The following TESC variants were observed in gnomAD, a reference collection of about 807,000 sequenced individuals.
The protein encoded by TESC is calcineurin B homologous protein 3.
Under a neutral mutation model 31.0 loss-of-function variants are expected in TESC, and 19 were observed. The observed-to-expected ratio is 0.61, with a 90% CI of 0.43 to 0.90. The LOEUF (loss-of-function observed/expected upper bound fraction) is 0.90, where lower values mean the gene tolerates loss of function less well. Ranked by LOEUF, TESC falls within the 40% of genes least tolerant of loss-of-function variation. The pLI, the probability that TESC is intolerant of heterozygous loss-of-function variation, is 0.00. For synonymous variants in TESC, 109 were observed against 114.8 expected (o/e 0.95, Z 0.32); for missense variants, 248 against 303.8 (o/e 0.82, Z 1.36).
chr12:117,041,568 G>A (rs541819138), intron 7 of TESC, among the ~76,000 whole-genome samples: 7 of 152,166 alleles, frequency 4.6e-5, no homozygotes, highest in African/African-American at 1.4e-4. Context: ...CCTGACGTCA[G>A]GTGATCTGCC....
At chr12:117,050,268 G>A (rs192759053) in intron 3 of TESC, among the ~76,000 whole-genome samples, 2 of 152,312 alleles carry the variant, frequency 1.3e-5, no homozygotes, top group Admixed American at 1.3e-4. Context: ...CTGCAGAGCT[G>A]AGTAGCTGCA....
At chr12:117,095,998 C>G (rs1055912865) in intron 1 of TESC, among the ~76,000 whole-genome samples, 3 of 152,184 alleles carry the variant, frequency 2.0e-5, no homozygotes, top group Admixed American at 6.5e-5. Context: ...CCTCTCTAAG[C>G]CTCAGTTTCC....
At chr12:117,075,861 A>ATGTG (rs1565971338) in intron 1 of TESC, among the ~76,000 whole-genome samples, 1 of 57,004 alleles carries the variant, frequency 1.8e-5, no homozygotes, top group African/African-American at 8.9e-5. Context: ...ATATATATAT[A>ATGTG]TATATATATG....
At chr12:117,079,754 A>G (rs892034220) in intron 1 of TESC, among the ~76,000 whole-genome samples, 28 of 152,184 alleles carry the variant, frequency 1.8e-4, no homozygotes, top group Admixed American at 1.3e-4. Flanking sequence ...GACACTGTCA[A>G]TGGGCACTGG....
At chr12:117,054,344 C>T (rs1456643769) in intron 3 of TESC, among the ~76,000 whole-genome samples, 5 of 151,980 alleles carry the variant, frequency 3.3e-5, no homozygotes, top group Non-Finnish European at 5.9e-5. Context: ...AGTCCGTCAG[C>T]GTCCCCCATC....
At chr12:117,061,650 G>GCTCT (rs149959116) in intron 2 of TESC, among the ~76,000 whole-genome samples, 137 of 150,714 alleles carry the variant, frequency 9.1e-4, no homozygotes, top group African/African-American at 3.2e-3. Flanking sequence ...CGCTGCCTCT[G>GCTCT]CTCTCTCTCT....
intron 6 of TESC, among the ~76,000 whole-genome samples, chr12:117,043,769 T>A (rs576558416): frequency 3.5e-4 from 53 of 152,272 alleles, no homozygotes; most frequent in African/African-American, 1.3e-3. Flanking sequence ...ATTGTTAGCA[T>A]TTAATGATAG....
rs139715331 is a variant in TESC at position 117,075,310 on chromosome 12, C to T, written c.89G>A (p.Arg30Gln). The change falls in exon 2 of 8, where the codon CGG becomes CAG. Residue 30 changes from arginine (R) to glutamine (Q), a missense_variant. Coordinates refer to ENST00000335209, the MANE Select transcript of TESC (RefSeq NM_017899.4). Reference protein sequence around the residue: ...FSSDQIEQLHRRFKQLSGDQP... With the variant: ...FSSDQIEQLHQRFKQLSGDQP... The stretch of plus-strand genomic sequence containing the variant: ...ATCTCCACTCAGCTGCTTAAATCTC[C>T]GATGGAGCTGCTCGATCTGATCCGA... 1.6e-5 allele frequency: 26 copies of T among 1,611,616 alleles called. No homozygotes were observed. The highest frequency in any genetic ancestry group is 2.2e-5 in the Non-Finnish European group (26 of 1,179,926).
At chr12:117,054,345 G>C (rs193214743) in intron 3 of TESC, among the ~76,000 whole-genome samples, 1 of 151,594 alleles carries the variant, frequency 6.6e-6, no homozygotes, top group Non-Finnish European at 1.5e-5. Flanking sequence ...GTCCGTCAGC[G>C]TCCCCCATCT....
chr12:117,048,249 G>A (rs1954596966), intron 4 of TESC, among the ~76,000 whole-genome samples: 1 of 152,188 alleles, frequency 6.6e-6, no homozygotes, highest in South Asian at 2.1e-4. Context: ...AGTCCGTCCT[G>A]TTCCACGCCC....
intron 6 of TESC, among the ~76,000 whole-genome samples, chr12:117,042,772 C>T (rs759950047): frequency 3.9e-5 from 6 of 152,178 alleles, no homozygotes; most frequent in East Asian, 1.9e-4. Flanking sequence ...AGCGAAAACC[C>T]GCTGACATCC....
At chr12:117,080,786 G>C (rs1194650873) in intron 1 of TESC, among the ~76,000 whole-genome samples, 2 of 152,080 alleles carry the variant, frequency 1.3e-5, no homozygotes, top group Non-Finnish European at 2.9e-5. Context: ...CACCCGGGCT[G>C]ACCCTGGGCC....
rs1336552625 is a variant in TESC at position 117,042,060 on chromosome 12, C to T, written c.520-66G>A. The T allele has an allele frequency of 5.3e-6, 8 of 1,511,350 alleles. No individual in the cohort carries two copies. In the Admixed American group the frequency reaches 8.0e-5, roughly 15 times the overall value. 93.6% of individuals were successfully genotyped at this position (1,511,350 alleles called of 1,614,324 possible). ...TCCCCACACAGCTTCCGCAGGGGGA[C>T]GGTCCACTGGCCTCCCCTCCCCACC... On this transcript the variant is annotated intron_variant, in intron 6 of 7. Coordinates refer to ENST00000335209, the MANE Select transcript of TESC (RefSeq NM_017899.4).
At chr12:117,074,171 G>GC (rs1445872593) in intron 2 of TESC, among the ~76,000 whole-genome samples, 1 of 152,072 alleles carries the variant, frequency 6.6e-6, no homozygotes, top group Non-Finnish European at 1.5e-5. Context: ...ACCAGCCCGA[G>GC]CAACATAGCA....
chr12:117,061,384 C>A (rs902236664), intron 2 of TESC, among the ~76,000 whole-genome samples: 1 of 151,160 alleles, frequency 6.6e-6, no homozygotes, highest in Admixed American at 6.6e-5. Flanking sequence ...GGTGCCTTCC[C>A]CAGGGCCCAG....
In TESC at chr12:117,055,739, C is replaced by T. The variant is rs1284615703; in HGVS notation, c.209+1067G>A. 2.0e-5 allele frequency among the ~76,000 whole-genome samples: 3 copies of T among 152,338 alleles called. No individual in the cohort carries two copies. The East Asian group carries it at 5.8e-4, about 29-fold the overall frequency. Reference sequence around the variant, plus strand: ...CCAGGAGATGCCACCAGCCACAAGGCTGAATCCGGAAACAGAGCCTACCTG... The same window carrying T: ...CCAGGAGATGCCACCAGCCACAAGGTTGAATCCGGAAACAGAGCCTACCTG... On this transcript the variant is annotated intron_variant, in intron 3 of 7. Coordinates refer to ENST00000335209, the MANE Select transcript of TESC (RefSeq NM_017899.4).
chr12:117,049,001 G>C lies in TESC; in HGVS notation c.349+18C>G. On this transcript the variant is annotated intron_variant, in intron 4 of 7. Coordinates refer to ENST00000335209, the MANE Select transcript of TESC (RefSeq NM_017899.4). ...CACCCCAGGCCAGGTGTGAGCAAGG[G>C]GACTCAGTGGCACGCACATCTCAGC... 2.5e-6 allele frequency: 4 copies of C among 1,614,088 alleles called. No individual in the cohort carries two copies. The highest frequency in any genetic ancestry group is 3.4e-6 in the Non-Finnish European group (4 of 1,179,986).
At chr12:117,069,140 C>T (rs2135777874) in intron 2 of TESC, among the ~76,000 whole-genome samples, 1 of 151,798 alleles carries the variant, frequency 6.6e-6, no homozygotes, top group East Asian at 1.9e-4. Flanking sequence ...TGCCGAGAGG[C>T]CACAGAAATT....
At chr12:117,071,643 G>C (rs1261526873) in intron 2 of TESC, among the ~76,000 whole-genome samples, 1 of 152,224 alleles carries the variant, frequency 6.6e-6, no homozygotes, top group African/African-American at 2.4e-5. Context: ...CAGGCACACT[G>C]AGGGCTTGTG....
Sources: gnomAD v4.1 joint callset for allele counts (sites outside exome capture counted in the v4.1 genomes callset) on GRCh38, gnomAD v4.1.1 for gene constraint, MANE v1.5 for transcripts, NCBI Gene and HGNC (gene_info 2026-07-23, HGNC 2026-07-21) for gene names.